The following EPHA7 variants were observed in gnomAD, a reference collection of about 807,000 sequenced individuals.
EPHA7 encodes the protein EPH receptor A7.
Under a neutral mutation model 112.6 loss-of-function variants are expected in EPHA7, and 25 were observed. The observed-to-expected ratio is 0.22, with a 90% CI of 0.16 to 0.31. EPHA7 has a LOEUF of 0.31. EPHA7 is among the 10% of genes least tolerant of loss of function. EPHA7 has a pLI of 1.00. For synonymous variants in EPHA7, 437 were observed against 406.5 expected (o/e 1.07, Z -0.90); for missense variants, 962 against 1,212.6 (o/e 0.79, Z 3.07).
intron 5 of EPHA7, among the ~76,000 whole-genome samples, chr6:93,296,446 TATATATAAATATATATA>T (rs1308365106): frequency 0.052 from 4,185 of 80,738 alleles, 220 homozygotes; most frequent in African/African-American, 0.13. Context: ...TATATAAATA[TATATATAAATATATATA>T]TATGTATATA....
intron 5 of EPHA7, among the ~76,000 whole-genome samples, chr6:93,315,864 G>T (rs1466338737): frequency 6.6e-6 from 1 of 152,032 alleles, no homozygotes; most frequent in Non-Finnish European, 1.5e-5. Context: ...CCTCTCTTTA[G>T]GAATCCACAG....
At chr6:93,378,163 T>A (rs1253959568) in intron 3 of EPHA7, among the ~76,000 whole-genome samples, 1 of 152,026 alleles carries the variant, frequency 6.6e-6, no homozygotes, top group Non-Finnish European at 1.5e-5. Context: ...ATGGCACATC[T>A]AAGGCAATGA....
intron 1 of EPHA7, among the ~76,000 whole-genome samples, chr6:93,417,561 C>T (rs1779302007): frequency 6.6e-6 from 1 of 152,206 alleles, no homozygotes; most frequent in African/African-American, 2.4e-5. Context: ...AGGAACCTCT[C>T]CCCCTAGTGA....
rs564363322 is a variant in EPHA7 at position 93,389,969 on chromosome 6, A to T, written c.832+20532T>A. ...GCAGTTTGTAAAAGATTGTCAGTGA[A>T]TTGGAAAATTTCTGTGTCCCCAAGT... On this transcript the variant is annotated intron_variant, in intron 3 of 16. Transcript: ENST00000369303. 2.1e-4 allele frequency among the ~76,000 whole-genome samples: 32 copies of T among 152,094 alleles called. No homozygotes were observed. In the South Asian group the frequency reaches 6.4e-3, roughly 30 times the overall value.
chr6:93,396,236 C>T (rs1778164418), intron 3 of EPHA7, among the ~76,000 whole-genome samples: 1 of 151,622 alleles, frequency 6.6e-6, no homozygotes, highest in Admixed American at 6.6e-5. Flanking sequence ...ATTTTGATGA[C>T]TAATGTGTAA....
intron 5 of EPHA7, among the ~76,000 whole-genome samples, chr6:93,351,612 T>C (rs368455899): frequency 6.6e-5 from 10 of 152,176 alleles, no homozygotes; most frequent in Non-Finnish European, 1.5e-4. Context: ...TTGTACTCTA[T>C]ACTGAGTTAC....
chr6:93,268,862 T>C (rs753579254), intron 7 of EPHA7, among the ~76,000 whole-genome samples: 3 of 151,860 alleles, frequency 2.0e-5, no homozygotes, highest in Non-Finnish European at 4.4e-5. Context: ...TGAGTGGTCA[T>C]AGGGATATTC....
intron 3 of EPHA7, among the ~76,000 whole-genome samples, chr6:93,384,460 G>C (rs1270482240): frequency 6.6e-6 from 1 of 152,126 alleles, no homozygotes; most frequent in Non-Finnish European, 1.5e-5. Flanking sequence ...ACAAAGAGTA[G>C]TACAAATTCT....
intron 5 of EPHA7, among the ~76,000 whole-genome samples, chr6:93,283,708 C>T (rs1197147566): frequency 2.0e-5 from 3 of 152,112 alleles, no homozygotes; most frequent in Non-Finnish European, 4.4e-5. Context: ...TCAGAAGAAA[C>T]AAACTCTGGA....
At chr6:93,335,679 A>T (rs1207051356) in intron 5 of EPHA7, among the ~76,000 whole-genome samples, 2 of 151,962 alleles carry the variant, frequency 1.3e-5, no homozygotes, top group Non-Finnish European at 2.9e-5. Flanking sequence ...TTTTAATCCC[A>T]TTCCTATCTA....
At chr6:93,347,549 A>G (rs2127931601) in intron 5 of EPHA7, among the ~76,000 whole-genome samples, 1 of 152,012 alleles carries the variant, frequency 6.6e-6, no homozygotes, top group Non-Finnish European at 1.5e-5. Flanking sequence ...AAGACTTTTC[A>G]GGATGGAATT....
chr6:93,243,941 G>C (rs577826030), intron 16 of EPHA7, among the ~76,000 whole-genome samples: 1 of 152,158 alleles, frequency 6.6e-6, no homozygotes, highest in South Asian at 2.1e-4. Flanking sequence ...AAAACAGTTT[G>C]TGGGATCTAG....
intron 3 of EPHA7, among the ~76,000 whole-genome samples, chr6:93,398,180 G>T (rs1433629041): frequency 1.3e-5 from 2 of 151,680 alleles, no homozygotes; most frequent in African/African-American, 4.8e-5. Context: ...TTTGTTATTG[G>T]TCTCCATTTC....
chr6:93,315,188 G>T (rs1773751890), intron 5 of EPHA7, among the ~76,000 whole-genome samples: 1 of 152,042 alleles, frequency 6.6e-6, no homozygotes, highest in African/African-American at 2.4e-5. Context: ...TAAATAAAAT[G>T]TATTAAGTGA....
intron 3 of EPHA7, among the ~76,000 whole-genome samples, chr6:93,367,715 A>C (rs1212898805): frequency 2.0e-5 from 3 of 152,124 alleles, no homozygotes; most frequent in Admixed American, 1.3e-4. Flanking sequence ...CAGTTTTCCC[A>C]TATATAAAAT....
rs200277966 is a variant in EPHA7, at chr6:93,259,413, T to G, written c.1865A>C (p.His622Pro). 1.9e-6 allele frequency: 3 copies of G among 1,612,196 alleles called. No individual in the cohort carries two copies. Among genetic ancestry groups the G allele is most frequent in the African/African-American group, 1.3e-5 (1 of 74,820 alleles). Residue 622 changes from histidine (H) to proline (P), a missense_variant, in exon 10 of 17, where the codon CAT becomes CCT. Physicochemically the swap from His to Pro is moderately conservative, Grantham distance 77. Around this residue, in one of 3 missense-constraint regions of EPHA7, gnomAD observed 746 missense variants for 889.2 expected, o/e 0.84. Coordinates refer to ENST00000369303, the MANE Select transcript of EPHA7 (RefSeq NM_004440.4). ...ETYEDPNRAV[H>P]QFAKELDASC... Reference sequence around the variant, plus strand: ...GGCATCTAGCTCCTTGGCGAATTGATGGACAGCTCTATTTGGGTCCTCATA... The same window carrying G: ...GGCATCTAGCTCCTTGGCGAATTGAGGGACAGCTCTATTTGGGTCCTCATA...
intron 13 of EPHA7, 90 bp from the exon 14 acceptor site, chr6:93,254,886 G>A (rs1770368527): frequency 1.8e-6 from 2 of 1,118,338 alleles, no homozygotes; most frequent in South Asian, 1.9e-5. Context: ...TGCATTTTTG[G>A]TTGGTAGTTC....
intron 5 of EPHA7, among the ~76,000 whole-genome samples, chr6:93,342,571 G>T (rs1775195163): frequency 6.6e-6 from 1 of 151,700 alleles, no homozygotes; most frequent in Non-Finnish European, 1.5e-5. Flanking sequence ...TAGATAAATA[G>T]AATGGCACAA....
intron 3 of EPHA7, among the ~76,000 whole-genome samples, chr6:93,401,576 T>C (rs967581912): frequency 4.6e-5 from 7 of 152,058 alleles, no homozygotes; most frequent in African/African-American, 1.7e-4. Context: ...AATTTCTAAA[T>C]TGAGTTGTTT....
Sources: allele counts gnomAD v4.1 joint callset (sites outside exome capture counted in the v4.1 genomes callset), GRCh38; gene constraint gnomAD v4.1.1; regional missense constraint gnomAD v4.1.1; transcripts MANE v1.5; gene names NCBI Gene and HGNC (gene_info 2026-07-23, HGNC 2026-07-21).